TENM2: variants seen among roughly 807,000 people sequenced by gnomAD.
TENM2 encodes the protein teneurin transmembrane protein 2, also known as teneurin-2.
In TENM2, 52 loss-of-function variants were observed where a neutral mutation model predicts 245.2. That is an observed-to-expected ratio of 0.21 (90% CI 0.17 to 0.27). TENM2 has a LOEUF of 0.27. Among genes scored for constraint, TENM2 ranks in the 10% least tolerant of loss-of-function variants. The probability of loss-of-function intolerance (pLI) is 1.00; values close to 1 mark genes in which losing one functional copy is unlikely to be tolerated. For missense variants in TENM2, 3,046 were observed against 3,666.8 expected (o/e 0.83, Z 4.37); for synonymous variants, 1,363 against 1,438.9 (o/e 0.95, Z 1.19).
At chr5:166,999,215 G>A in the TENM2 span, among the ~76,000 whole-genome samples, 2 of 152,156 alleles carry the variant, frequency 1.3e-5, no homozygotes, top group Non-Finnish European at 2.9e-5. Flanking sequence ...TAGAAGTAGT[G>A]AGATGCGGAT....
At chr5:167,523,245 G>C (rs1770883291) in intron 2 of TENM2, among the ~76,000 whole-genome samples, 1 of 152,154 alleles carries the variant, frequency 6.6e-6, no homozygotes, top group South Asian at 2.1e-4. Context: ...GCAGGTTCCA[G>C]GGATTAGGAA....
intron 19 of TENM2, among the ~76,000 whole-genome samples, chr5:168,211,059 T>C (rs2152552394): frequency 6.6e-6 from 1 of 152,326 alleles, no homozygotes; most frequent in Non-Finnish European, 1.5e-5. Flanking sequence ...ATTGCAATAT[T>C]GGACGTTACC....
chr5:168,004,290 A>C (rs1784632079), intron 5 of TENM2, among the ~76,000 whole-genome samples: 1 of 152,142 alleles, frequency 6.6e-6, no homozygotes, highest in Non-Finnish European at 1.5e-5. Context: ...TCCAGTAGTG[A>C]TATTTTAGAT....
At chr5:167,016,253 CAAAA>C in the TENM2 span, among the ~76,000 whole-genome samples, 39 of 99,814 alleles carry the variant, frequency 3.9e-4, no homozygotes, top group Middle Eastern at 5.7e-3. Flanking sequence ...GACTCTGTCT[CAAAA>C]AAAAAAACAA....
chr5:167,805,604 G>A (rs902932284), intron 2 of TENM2, among the ~76,000 whole-genome samples: 1 of 152,114 alleles, frequency 6.6e-6, no homozygotes, highest in Non-Finnish European at 1.5e-5. Context: ...CTCCCACAGT[G>A]GCAGTAAATA....
chr5:168,065,962 G>C (rs2152110780), intron 7 of TENM2, among the ~76,000 whole-genome samples: 1 of 152,016 alleles, frequency 6.6e-6, no homozygotes, highest in African/African-American at 2.4e-5. Flanking sequence ...CCTGGAAATA[G>C]TTCTGGTTGT....
intron 12 of TENM2, among the ~76,000 whole-genome samples, chr5:168,132,035 C>G (rs1243525431): frequency 2.0e-5 from 3 of 152,020 alleles, no homozygotes; most frequent in Non-Finnish European, 4.4e-5. Flanking sequence ...CCCACCACCC[C>G]CCTATAATTT....
chr5:167,680,057 C>T (rs546224357), intron 2 of TENM2, among the ~76,000 whole-genome samples: 1 of 152,048 alleles, frequency 6.6e-6, no homozygotes, highest in African/African-American at 2.4e-5. Flanking sequence ...AAGACACAGG[C>T]TTTGGAGAAA....
At chr5:167,226,641 A>C in the TENM2 span, among the ~76,000 whole-genome samples, 1 of 152,070 alleles carries the variant, frequency 6.6e-6, no homozygotes, top group Non-Finnish European at 1.5e-5. Flanking sequence ...GCTGATGAGA[A>C]GATGTATATT....
At chr5:167,826,182 G>A (rs1049887959) in intron 2 of TENM2, among the ~76,000 whole-genome samples, 9 of 152,204 alleles carry the variant, frequency 5.9e-5, no homozygotes, top group Non-Finnish European at 1.3e-4. Flanking sequence ...AAAGTTTGGA[G>A]AAAATGAAGA....
At chr5:167,669,800 T>G (rs11951462) in intron 2 of TENM2, among the ~76,000 whole-genome samples, 7,039 of 152,072 alleles carry the variant, frequency 0.046, 524 homozygotes, top group African/African-American at 0.16. Context: ...AAACCGTGGT[T>G]GTAAGTTATA....
chr5:167,702,552 G>GTGTGTGTATATATA lies in TENM2; in HGVS notation c.503-173433_503-173432insGTGTGTATATATAT, dbSNP rs58351767. 5.6e-4 allele frequency among the ~76,000 whole-genome samples: 77 copies of GTGTGTGTATATATA among 136,772 alleles called. 1 individual carries two copies. The highest frequency in any genetic ancestry group is 2.0e-3 in the African/African-American group (72 of 35,124). The allele number at this position is 136,772 out of a possible 152,430, so 89.7% of individuals were successfully genotyped here. On this transcript the variant is annotated intron_variant, in intron 2 of 28. Coordinates refer to ENST00000518659, the Ensembl canonical transcript of TENM2. ...TATGTATGTATGTATGTGTGTGTGT[G>GTGTGTGTATATATA]TATATATATATATATATATACATAT...
the TENM2 span, among the ~76,000 whole-genome samples, chr5:167,225,094 G>GT: frequency 6.6e-6 from 1 of 151,956 alleles, no homozygotes; most frequent in African/African-American, 2.4e-5. Flanking sequence ...AGTTCTAAGA[G>GT]TATTTGGTAG....
chr5:167,430,759 T>C (rs915191014), intron 2 of TENM2, among the ~76,000 whole-genome samples: 8 of 152,206 alleles, frequency 5.3e-5, no homozygotes, highest in African/African-American at 1.9e-4. Context: ...TAAACTCTAC[T>C]GTGACAGCTC....
chr5:168,032,419 A>G (rs1787224608), intron 5 of TENM2, among the ~76,000 whole-genome samples: 1 of 152,188 alleles, frequency 6.6e-6, no homozygotes, highest in African/African-American at 2.4e-5. Context: ...CCCAGGAAAC[A>G]TCTGGGGTAG....
At chr5:167,766,045 A>G (rs1019494692) in intron 2 of TENM2, among the ~76,000 whole-genome samples, 2 of 152,200 alleles carry the variant, frequency 1.3e-5, no homozygotes, top group Non-Finnish European at 2.9e-5. Flanking sequence ...AGAGACAATA[A>G]AATAAATGAA....
At chr5:168,213,278 G>A (rs555190310) in intron 20 of TENM2, among the ~76,000 whole-genome samples, 25 of 152,180 alleles carry the variant, frequency 1.6e-4, no homozygotes, top group Non-Finnish European at 3.1e-4. Flanking sequence ...TCAGGGATGT[G>A]TCTTAATAGC....
chr5:167,488,571 C>A (rs1288525014), intron 2 of TENM2, among the ~76,000 whole-genome samples: 1 of 152,138 alleles, frequency 6.6e-6, no homozygotes, highest in African/African-American at 2.4e-5. Flanking sequence ...TTTGCTATTT[C>A]TTTTCTTGTC....
intron 2 of TENM2, among the ~76,000 whole-genome samples, chr5:167,807,624 TAAAAAAA>T (rs11287928): frequency 0.013 from 1,878 of 149,722 alleles, 33 homozygotes; most frequent in African/African-American, 0.037. Flanking sequence ...GCATTTTTTT[TAAAAAAA>T]AAAAAAAAGA....
Sources: allele counts gnomAD v4.1 joint callset (sites outside exome capture counted in the v4.1 genomes callset), GRCh38; gene constraint gnomAD v4.1.1; transcripts MANE v1.5; gene names NCBI Gene and HGNC (gene_info 2026-07-23, HGNC 2026-07-21).